Variants in ZNF365 observed in about 807,000 individuals in gnomAD.
The protein encoded by ZNF365 is zinc finger protein 365.
A neutral mutation model predicts 35.0 loss-of-function variants in ZNF365; 22 were observed. The observed-to-expected ratio is 0.63, with a 90% CI of 0.45 to 0.90. The LOEUF (loss-of-function observed/expected upper bound fraction) is 0.90. Among genes scored for constraint, ZNF365 ranks in the 40% least tolerant of loss-of-function variants. The probability of loss-of-function intolerance (pLI) is 0.00; values close to 1 mark genes in which losing one functional copy is unlikely to be tolerated. For synonymous variants in ZNF365, 188 were observed against 196.2 expected (o/e 0.96, Z 0.35); for missense variants, 448 against 500.3 (o/e 0.90, Z 1.00).
chr10:62,473,571 G>C (rs990824472), intron 4 of ZNF365, among the ~76,000 whole-genome samples: 2 of 144,262 alleles, frequency 1.4e-5, no homozygotes, highest in Admixed American at 1.4e-4. Context: ...CCACCTCTCT[G>C]TAATGAAGTT....
chr10:62,403,263 A>T (rs1427967334), downstream of ZNF365, among the ~76,000 whole-genome samples: 1 of 152,244 alleles, frequency 6.6e-6, no homozygotes, highest in Non-Finnish European at 1.5e-5. Flanking sequence ...GTGGATCATC[A>T]TAGAGGACTT....
chr10:62,468,487 G>A (rs1840980508), intron 4 of ZNF365, among the ~76,000 whole-genome samples: 1 of 152,128 alleles, frequency 6.6e-6, no homozygotes, highest in Admixed American at 6.5e-5. Context: ...TTTGTAAAGA[G>A]CCCCTATCAG....
intron 3 of ZNF365, among the ~76,000 whole-genome samples, chr10:62,416,549 G>T (rs904630728): frequency 1.3e-5 from 2 of 152,098 alleles, no homozygotes; most frequent in African/African-American, 4.8e-5. Flanking sequence ...TGTTTGAAAG[G>T]TCATGGATCC....
At chr10:62,430,303 C>G (rs1014329064) in intron 3 of ZNF365, among the ~76,000 whole-genome samples, 2 of 141,632 alleles carry the variant, frequency 1.4e-5, no homozygotes, top group Non-Finnish European at 3.0e-5. Flanking sequence ...GCCTCAGCCT[C>G]CTGAGTAGCT....
intron 3 of ZNF365, among the ~76,000 whole-genome samples, chr10:62,391,250 G>A (rs530201947): frequency 4.4e-4 from 67 of 151,896 alleles, no homozygotes; most frequent in African/African-American, 1.5e-3. Flanking sequence ...GATTTCCATT[G>A]GTTTTGGGGG....
chr10:62,435,771 C>G lies in ZNF365; in HGVS notation c.925-23970C>G, dbSNP rs143668011. On this transcript the variant is annotated intron_variant, in intron 3 of 4. Coordinates refer to the ZNF365 transcript ENST00000395255. Reference sequence around the variant, plus strand: ...ACTTCTGGCAATGCCTAAATTCTTCCATAACAAGAAAACAAACTCATTTCT... The same window carrying G: ...ACTTCTGGCAATGCCTAAATTCTTCGATAACAAGAAAACAAACTCATTTCT... 4.6e-4 allele frequency among the ~76,000 whole-genome samples: 70 copies of G among 152,256 alleles called. No individual in the cohort carries two copies. In the Middle Eastern group the frequency reaches 0.01, roughly 22 times the overall value.
rs1196395109 is a variant in ZNF365, at chr10:62,400,305, C to T, written c.*516C>T. On this transcript the variant is annotated 3_prime_UTR_variant, in exon 5 of 5. Transcript: ENST00000395254. ...GCCTCCAAAATAAGGATTCCCATTCCCCGAGTATTCTGGTTAATCAAGATT... is the reference window on the plus strand; with the variant it reads ...GCCTCCAAAATAAGGATTCCCATTCTCCGAGTATTCTGGTTAATCAAGATT... The T allele has an allele frequency of 1.0e-6, 1 of 986,698 alleles. No individual in the cohort carries two copies. The highest frequency in any genetic ancestry group is 1.1e-4 in the East Asian group (1 of 8,964). The allele number at this position is 986,698 out of a possible 1,614,324, so 61.1% of individuals were successfully genotyped here. A position where few individuals can be genotyped will look rare whatever the true frequency, so the allele number is the denominator to read the frequency against.
rs866388684 is a variant in ZNF365 at position 62,399,750 on chromosome 10, G to A, written c.1185G>A (p.Met395Ile). ...GCAAAGGCAACATCAGGCCCAAAAT[G>A]GCTAAAAAAAAGCCAACAGCCATTG... ...FGRKGNIRPKMAKKKPTAIVN... is the reference protein window; with the variant it reads ...FGRKGNIRPKIAKKKPTAIVN... Residue 395 changes from methionine to isoleucine, a missense_variant, in exon 5 of 5, where the codon ATG (methionine) becomes ATA (isoleucine). Around this residue, in one of 3 missense-constraint regions of ZNF365, gnomAD observed 362 missense variants for 375.7 expected, o/e 0.96. Coordinates refer to ENST00000395254, the MANE Select transcript of ZNF365 (RefSeq NM_014951.3). The A allele has an allele frequency of 1.9e-6, 3 of 1,613,662 alleles. No individual in the cohort carries two copies. In the Admixed American group the frequency reaches 5.0e-5, roughly 27 times the overall value.
At position 62,400,753 on chromosome 10, in the gene ZNF365, C is replaced by CT; in HGVS notation, c.*967dup. 1.0e-6 allele frequency: 1 copy of CT among 985,694 alleles called. No individual in the cohort carries two copies. Among genetic ancestry groups the CT allele is most frequent in the Non-Finnish European group, 1.2e-6 (1 of 830,048 alleles). The allele number at this position is 985,694 out of a possible 1,614,324, so 61.1% of individuals were successfully genotyped here. On this transcript the variant is annotated 3_prime_UTR_variant, in exon 5 of 5. Transcript: ENST00000395254. ...CTCTCTCTCTCTGCTATGGGCATGA[C>CT]TTTCTCTTCGCTGGCTTAACTTTTC...
chr10:62,436,626 T>C (rs1295805965), intron 3 of ZNF365, among the ~76,000 whole-genome samples: 1 of 152,232 alleles, frequency 6.6e-6, no homozygotes, highest in Non-Finnish European at 1.5e-5. Context: ...GAATATTTCC[T>C]GAAGCCTTTT....
chr10:62,479,713 G>T (rs931630342), intron 4 of ZNF365, among the ~76,000 whole-genome samples: 2 of 152,112 alleles, frequency 1.3e-5, no homozygotes, highest in African/African-American at 4.8e-5. Flanking sequence ...TGTAGAAGAC[G>T]CTCCTCGTGT....
intron 4 of ZNF365, among the ~76,000 whole-genome samples, chr10:62,464,238 T>TA (rs540309326): frequency 1.4e-4 from 22 of 152,358 alleles, no homozygotes; most frequent in African/African-American, 4.8e-4. Flanking sequence ...TCATGCTTAC[T>TA]AGCTCATTGT....
chr10:62,387,613 G>C (rs1421788322), intron 2 of ZNF365, among the ~76,000 whole-genome samples: 1 of 152,014 alleles, frequency 6.6e-6, no homozygotes, highest in Non-Finnish European at 1.5e-5. Context: ...TCTTAGGGGA[G>C]GGCAACCCAT....
intron 3 of ZNF365, among the ~76,000 whole-genome samples, chr10:62,432,398 C>G (rs1564587314): frequency 6.6e-6 from 1 of 152,178 alleles, no homozygotes; most frequent in Admixed American, 6.5e-5. Context: ...TCTTCCATAG[C>G]AGGAAGCAAC....
At position 62,381,018 on chromosome 10, in the gene ZNF365, T is replaced by C. The variant is rs140902530; in HGVS notation, c.743+4082T>C. Among the ~76,000 whole-genome samples the C allele has an allele frequency of 1.0e-3, 153 of 152,292 alleles. 2 individuals carry two copies. In the East Asian group the frequency reaches 0.026, roughly 26 times the overall value. On this transcript the variant is annotated intron_variant, in intron 2 of 4. Transcript: ENST00000395254. The stretch of plus-strand genomic sequence containing the variant: ...GGGGAACATAAAATGCTTGCTGTCT[T>C]TCCCTAAGGTGTTTGTGTTCTGTAT...
chr10:62,404,662 G>A (rs769185036), downstream of ZNF365, among the ~76,000 whole-genome samples: 9 of 152,260 alleles, frequency 5.9e-5, no homozygotes, highest in East Asian at 1.9e-4. Context: ...TAGGGACACC[G>A]ACTCCTGCGT....
At position 62,428,539 on chromosome 10, in the gene ZNF365, G is replaced by A. The variant is rs910846988; in HGVS notation, c.925-31202G>A. On this transcript the variant is annotated intron_variant, in intron 3 of 4. Transcript: ENST00000395255. ...CAGCCATGATTGTAAGTTTCCTGAG[G>A]CCTCCCCAGCCCTGTGGAACTGTGA... is the stretch of plus-strand genomic sequence containing the variant. 2.0e-3 allele frequency among the ~76,000 whole-genome samples: 204 copies of A among 102,346 alleles called. 1 individual carries two copies. The highest frequency in any genetic ancestry group is 5.7e-4 in the Non-Finnish European group (23 of 40,384). The allele number at this position is 102,346 out of a possible 152,430, so 67.1% of individuals were successfully genotyped here. A position where few individuals can be genotyped will look rare whatever the true frequency, so the allele number is the denominator to read the frequency against.
rs531032123 is a variant in ZNF365 at position 62,392,042 on chromosome 10, A to T, written c.924+3466A>T. Among the ~76,000 whole-genome samples the T allele has an allele frequency of 2.8e-4, 42 of 152,264 alleles. No individual in the cohort carries two copies. The South Asian group carries it at 8.5e-3, about 31-fold the overall frequency. Reference sequence around the variant, plus strand: ...TTTCATATGTTTGTTGGCCATTTGTATATCTTCTTTTGAGAACTATCTATT... The same window carrying T: ...TTTCATATGTTTGTTGGCCATTTGTTTATCTTCTTTTGAGAACTATCTATT... On this transcript the variant is annotated intron_variant, in intron 3 of 4. Coordinates refer to ENST00000395254, the MANE Select transcript of ZNF365 (RefSeq NM_014951.3).
chr10:62,393,680 T>C (rs527430960), intron 3 of ZNF365, among the ~76,000 whole-genome samples: 4 of 152,324 alleles, frequency 2.6e-5, no homozygotes, highest in African/African-American at 7.2e-5. Context: ...GGTGGGAAAT[T>C]AATAAATATT....
Sources: gnomAD v4.1 joint callset for allele counts (sites outside exome capture counted in the v4.1 genomes callset) on GRCh38, gnomAD v4.1.1 for gene constraint, gnomAD v4.1.1 regional missense constraint, MANE v1.5 for transcripts, NCBI Gene and HGNC (gene_info 2026-07-23, HGNC 2026-07-21) for gene names.